The following ARNT variants were observed in gnomAD, a reference collection of about 807,000 sequenced individuals.
The protein encoded by ARNT is aryl hydrocarbon receptor nuclear translocator.
In ARNT, 30 loss-of-function variants were observed where a neutral mutation model predicts 105.0. The ratio of observed to expected loss-of-function variants is 0.29; its 90% CI spans 0.21 to 0.39. The LOEUF (loss-of-function observed/expected upper bound fraction) is 0.39. ARNT is among the 10% of genes least tolerant of loss of function. ARNT has a pLI of 1.00. For synonymous variants in ARNT, 304 were observed against 344.0 expected, an observed-to-expected ratio of 0.88 and a Z score of 1.29; for missense variants, 748 against 978.7, an observed-to-expected ratio of 0.76 and a Z score of 3.15.
chr1:150,817,920 C>T lies in ARNT; in HGVS notation c.1505G>A (p.Arg502Lys). ...AGATGATTATTTCACCCTTTTTTAC[C>T]TGGGTGCCAGCTGTCCTGAGCCCAT... The part of the protein sequence containing the change: ...LEMGSGQLAP[R>K]QQQQQTELDM... Residue 502 changes from arginine (R) to lysine (K), a missense_variant and splice_region_variant, in exon 15 of 22, where the codon AGG (arginine) becomes AAG (lysine). Coordinates refer to ENST00000358595, the MANE Select transcript of ARNT (RefSeq NM_001668.4). 1 of 1,607,526 alleles carries T rather than the reference C, an allele frequency of 6.2e-7. No homozygotes were observed. Among genetic ancestry groups the T allele is most frequent in the Non-Finnish European group, 8.5e-7 (1 of 1,175,792 alleles).
intron 1 of ARNT, among the ~76,000 whole-genome samples, chr1:150,868,036 A>G (rs1293043940): frequency 6.6e-6 from 1 of 152,094 alleles, no homozygotes; most frequent in Non-Finnish European, 1.5e-5. Flanking sequence ...GGACTAATAC[A>G]AAGGGAAGAG....
chr1:150,828,492 T>C (rs2101804760), intron 12 of ARNT, among the ~76,000 whole-genome samples: 1 of 152,336 alleles, frequency 6.6e-6, no homozygotes, highest in Middle Eastern at 3.4e-3. Context: ...TATTGATCTA[T>C]ATATCTATCC....
intron 15 of ARNT, 141 bp from the exon 16 acceptor site, chr1:150,817,574 G>A (rs1571190433): frequency 9.5e-6 from 7 of 737,460 alleles, no homozygotes; most frequent in South Asian, 1.9e-5. Context: ...TTGGGAGGCC[G>A]AAGCAGGTGG....
intron 1 of ARNT, among the ~76,000 whole-genome samples, chr1:150,873,411 T>C (rs192248200): frequency 7.2e-5 from 11 of 151,936 alleles, no homozygotes; most frequent in Non-Finnish European, 1.5e-4. Context: ...TAAGTAGAAC[T>C]AGTGAAAAAT....
intron 14 of ARNT, among the ~76,000 whole-genome samples, chr1:150,822,176 A>C (rs1461066956): frequency 6.6e-6 from 1 of 152,046 alleles, no homozygotes; most frequent in Non-Finnish European, 1.5e-5. Flanking sequence ...ATATCAAAAG[A>C]ATTTTCTAAT....
In ARNT at chr1:150,839,574, G is replaced by A; in HGVS notation, c.353C>T (p.Thr118Ile). The A allele has an allele frequency of 4.3e-6, 7 of 1,614,192 alleles. No homozygotes were observed. Among genetic ancestry groups the A allele is most frequent in the Non-Finnish European group, 5.9e-6 (7 of 1,180,028 alleles). The change falls in exon 6 of 22, where the codon ACC becomes ATC. Residue 118 changes from threonine (T) to isoleucine (I), a missense_variant. Physicochemically the swap from Thr to Ile is moderately conservative, Grantham distance 89 (BLOSUM62 -1). This residue lies in a region of ARNT where 291 missense variants were observed against 444.6 expected (regional missense o/e 0.65). Transcript: ENST00000358595. ...YITELSDMVP[T>I]CSALARKPDK... is the part of the protein sequence containing the mutation. The stretch of plus-strand genomic sequence containing the variant: ...TGGTTTTCGAGCCAGGGCACTACAG[G>A]TGGGTACCATATCTGACAGTTCTGT...
chr1:150,872,183 C>T (rs1364220442), intron 1 of ARNT, among the ~76,000 whole-genome samples: 2 of 152,082 alleles, frequency 1.3e-5, no homozygotes, highest in African/African-American at 4.8e-5. Context: ...GTCTCAAATT[C>T]CTGGGCTCAA....
rs1654732910 is a variant in ARNT at position 150,811,502 on chromosome 1, ACT to A, written c.*517_*518del. 8.6e-6 allele frequency: 2 copies of A among 232,854 alleles called. No homozygotes were observed. The highest frequency in any genetic ancestry group is 1.8e-4 in the South Asian group (1 of 5,508). 14.4% of individuals were successfully genotyped at this position (232,854 alleles called of 1,614,324 possible). A position where few individuals can be genotyped will look rare whatever the true frequency, so the allele number is the denominator to read the frequency against. On this transcript the variant is annotated 3_prime_UTR_variant, in exon 22 of 22. Coordinates refer to ENST00000358595, the MANE Select transcript of ARNT (RefSeq NM_001668.4). ...CATACACACACACTCTCTCTCACTTACTCACATGTTTCTTTCCAGAGGGACTG... is the reference window on the plus strand; with the variant it reads ...CATACACACACACTCTCTCTCACTTACACATGTTTCTTTCCAGAGGGACTG...
At chr1:150,838,994 AG>A (rs1378265137) in intron 6 of ARNT, among the ~76,000 whole-genome samples, 1 of 152,228 alleles carries the variant, frequency 6.6e-6, no homozygotes, top group Non-Finnish European at 1.5e-5. Context: ...CACATGTAAC[AG>A]AGCACATCCC....
At chr1:150,864,729 A>T (rs1666237500) in intron 1 of ARNT, among the ~76,000 whole-genome samples, 1 of 148,928 alleles carries the variant, frequency 6.7e-6, no homozygotes, top group Admixed American at 6.7e-5. Flanking sequence ...AACCTGCACA[A>T]TGTGCACATG....
intron 1 of ARNT, among the ~76,000 whole-genome samples, chr1:150,872,698 T>C (rs1667640119): frequency 6.6e-6 from 1 of 152,208 alleles, no homozygotes; most frequent in East Asian, 1.9e-4. Context: ...ATGGTGGTCA[T>C]GCCTATAATC....
chr1:150,866,967 A>T lies in ARNT; in HGVS notation c.26-8507T>A, dbSNP rs142125101. ...ACACTTGTAATCCCAGCACTGTGGGAGGCCAAGGCAGGTGGATCACTTGAG... is the reference window on the plus strand; with the variant it reads ...ACACTTGTAATCCCAGCACTGTGGGTGGCCAAGGCAGGTGGATCACTTGAG... On this transcript the variant is annotated intron_variant, in intron 1 of 21. Transcript: ENST00000358595. Among the ~76,000 whole-genome samples the T allele has an allele frequency of 4.4e-3, 672 of 152,270 alleles. 1 individual carries two copies. The highest frequency in any genetic ancestry group is 0.015 in the African/African-American group (633 of 41,560).
chr1:150,824,915 G>A (rs1297583355), intron 13 of ARNT, among the ~76,000 whole-genome samples: 2 of 151,994 alleles, frequency 1.3e-5, no homozygotes, highest in Non-Finnish European at 2.9e-5. Flanking sequence ...AGGCTGGAGT[G>A]CAGTGGGGCA....
chr1:150,838,910 C>T (rs1660788743), intron 6 of ARNT, among the ~76,000 whole-genome samples: 1 of 152,164 alleles, frequency 6.6e-6, no homozygotes, highest in South Asian at 2.1e-4. Flanking sequence ...GATATCCTGC[C>T]ACTCACATAC....
intron 1 of ARNT, among the ~76,000 whole-genome samples, chr1:150,871,583 G>T (rs587733721): frequency 6.7e-6 from 1 of 149,358 alleles, no homozygotes; most frequent in Non-Finnish European, 1.5e-5. Flanking sequence ...TTACAGGCAT[G>T]AGCCACCATG....
In ARNT at chr1:150,817,445, A is replaced by C. The variant is rs749702096; in HGVS notation, c.1506-12T>G. On this transcript the variant is annotated splice_polypyrimidine_tract_variant and intron_variant, in intron 15 of 21. Transcript: ENST00000358595. ...GCTGTTGCTGCTGCCTATATGTCAA[A>C]GGCCAGTTGACAAGACAAATAGAAA... is the stretch of plus-strand genomic sequence containing the variant. 2.5e-6 allele frequency: 4 copies of C among 1,613,066 alleles called. No homozygotes were observed. Among genetic ancestry groups the C allele is most frequent in the Non-Finnish European group, 3.4e-6 (4 of 1,179,756 alleles).
chr1:150,817,275 C>T, intron 16 of ARNT, 73 bp from the exon 17 acceptor site: 3 of 1,611,124 alleles, frequency 1.9e-6, no homozygotes, highest in East Asian at 4.5e-5. Context: ...AATTCATATA[C>T]AACATATGTA....
intron 5 of ARNT, among the ~76,000 whole-genome samples, chr1:150,840,179 T>A (rs904098070): frequency 1.3e-5 from 2 of 151,798 alleles, no homozygotes; most frequent in African/African-American, 4.8e-5. Context: ...AGGTGGAGGT[T>A]GCAGTGAGCT....
intron 5 of ARNT, among the ~76,000 whole-genome samples, chr1:150,841,429 A>G (rs1661281139): frequency 6.6e-6 from 1 of 152,138 alleles, no homozygotes; most frequent in Non-Finnish European, 1.5e-5. Context: ...TCTCTTCCCA[A>G]TACAATGTTT....
Sources: allele counts gnomAD v4.1 joint callset (sites outside exome capture counted in the v4.1 genomes callset), GRCh38; gene constraint gnomAD v4.1.1; regional missense constraint gnomAD v4.1.1; transcripts MANE v1.5; gene names NCBI Gene and HGNC (gene_info 2026-07-23, HGNC 2026-07-21).